Variants in CPLANE1 observed in about 807,000 individuals in gnomAD.
CPLANE1 encodes ciliogenesis and planar polarity effector 1.
In CPLANE1, 263 loss-of-function variants were observed where a neutral mutation model predicts 362.5. The observed-to-expected ratio is 0.73, with a 90% CI of 0.66 to 0.80. The LOEUF (loss-of-function observed/expected upper bound fraction) is 0.80. CPLANE1 is among the 30% of genes least tolerant of loss of function. The probability of loss-of-function intolerance (pLI) is 0.00; values close to 1 mark genes in which losing one functional copy is unlikely to be tolerated. For missense variants in CPLANE1, 3,461 were observed against 3,793.4 expected, an observed-to-expected ratio of 0.91 and a Z score of 2.30; for synonymous variants, 1,212 against 1,302.6, an observed-to-expected ratio of 0.93 and a Z score of 1.50.
chr5:37,184,866 G>A lies in CPLANE1; in HGVS notation c.4403C>T (p.Ser1468Phe). The change falls in exon 25 of 53, where the codon TCT (serine) becomes TTT (phenylalanine). Residue 1468 changes from serine (S) to phenylalanine (F), a missense_variant. Ser to Phe is a radical substitution (Grantham distance 155). Around this residue, in one of 2 missense-constraint regions of CPLANE1, gnomAD observed 3,380 missense variants for 3,666.1 expected, o/e 0.92. Transcript: ENST00000651892. Reference sequence around the variant, plus strand: ...CGTATCTGCATCACTGTGAACCACAGAATCTCCTAGTTCTGTGAGTGTACT... The same window carrying A: ...CGTATCTGCATCACTGTGAACCACAAAATCTCCTAGTTCTGTGAGTGTACT... ...SRSTLTELGD[S>F]VVHSDADTFS... The A allele has an allele frequency of 3.1e-6, 5 of 1,614,086 alleles. No homozygotes were observed. The highest frequency in any genetic ancestry group is 4.2e-6 in the Non-Finnish European group (5 of 1,179,976).
intron 41 of CPLANE1, 145 bp downstream of exon 41, chr5:37,157,168 T>C: frequency 3.0e-6 from 1 of 332,110 alleles, no homozygotes; most frequent in Non-Finnish European, 6.0e-6. Flanking sequence ...ATCATGTCTC[T>C]ATTTCATTTA....
In CPLANE1 at chr5:37,248,891, T is replaced by C. The variant is rs554129510; in HGVS notation, c.-48+354A>G. 1.1e-3 allele frequency among the ~76,000 whole-genome samples: 161 copies of C among 152,324 alleles called. 1 individual carries two copies. The highest frequency in any genetic ancestry group is 3.7e-3 in the African/African-American group (153 of 41,572). On this transcript the variant is annotated intron_variant, in intron 1 of 52. Coordinates refer to ENST00000651892, the MANE Select transcript of CPLANE1 (RefSeq NM_001384732.1). ...TTAAAATTGCTAAGAGCGAGGAAAATTGACGTTCTATTCCTCCGGATCCTG... is the reference window on the plus strand; with the variant it reads ...TTAAAATTGCTAAGAGCGAGGAAAACTGACGTTCTATTCCTCCGGATCCTG...
At chr5:37,240,005 T>C (rs1561708308) in intron 6 of CPLANE1, 136 bp from the exon 7 acceptor site, 2 of 548,990 alleles carry the variant, frequency 3.6e-6, no homozygotes, top group African/African-American at 1.9e-5. Context: ...TTAGAGACTA[T>C]GTTAATCCAT....
intron 41 of CPLANE1, among the ~76,000 whole-genome samples, chr5:37,155,576 T>G (rs2150665826): frequency 6.6e-6 from 1 of 152,328 alleles, no homozygotes. Flanking sequence ...GGTCTCACTA[T>G]GTTGCCAAGG....
chr5:37,169,975 A>G, intron 33 of CPLANE1, 66 bp downstream of exon 33: 1 of 1,508,466 alleles, frequency 6.6e-7, no homozygotes, highest in Non-Finnish European at 9.0e-7. Flanking sequence ...GTGGCCTGCC[A>G]AAGTGCTGGG....
intron 46 of CPLANE1, among the ~76,000 whole-genome samples, chr5:37,131,513 TAATTTTTTTTTAGTAAAAAAA>T (rs1306525704): frequency 2.6e-5 from 4 of 151,740 alleles, no homozygotes; most frequent in Non-Finnish European, 5.9e-5. Flanking sequence ...AAACTGTATT[TAATTTTTTTTTAGTAAAAAAA>T]AATTTTTTTT....
At chr5:37,099,571 T>G in the CPLANE1 span, among the ~76,000 whole-genome samples, 1 of 152,210 alleles carries the variant, frequency 6.6e-6, no homozygotes, top group Admixed American at 6.5e-5. Context: ...GATTCCAGTT[T>G]TTGTTATCGT....
chr5:37,246,415 A>G (rs937898315), intron 2 of CPLANE1: 1 of 152,134 alleles, frequency 6.6e-6, no homozygotes, highest in African/African-American at 2.4e-5. Context: ...TCCTGGGCTC[A>G]AGCGATCCTC....
rs1057210266 is a variant in CPLANE1, at chr5:37,209,205, G to A, written c.2921-2780C>T. Among the ~76,000 whole-genome samples, 2 of 152,374 alleles carry A rather than the reference G, an allele frequency of 1.3e-5. No individual in the cohort carries two copies. Among genetic ancestry groups the A allele is most frequent in the East Asian group, 1.9e-4 (1 of 5,190 alleles). ...AACCTAGTTGGGAGTGCAAGGCAGA[G>A]AGCGTTCAGCACCCTTGTTCCTCCC... On this transcript the variant is annotated intron_variant, in intron 16 of 52. Coordinates refer to ENST00000651892, the MANE Select transcript of CPLANE1 (RefSeq NM_001384732.1). This position sits in a 1 kb window ranked among gnomAD's most constrained non-coding sequence, Gnocchi z 4.6.
chr5:37,129,702 A>G (rs1414311346), intron 46 of CPLANE1, among the ~76,000 whole-genome samples: 1 of 152,196 alleles, frequency 6.6e-6, no homozygotes, highest in African/African-American at 2.4e-5. Context: ...ATGCAATGCC[A>G]TCTTCTGCAA....
chr5:37,185,140 G>A, intron 24 of CPLANE1, 61 bp from the exon 25 acceptor site: 1 of 1,482,518 alleles, frequency 6.7e-7, no homozygotes, highest in Non-Finnish European at 9.1e-7. Flanking sequence ...CAAGACATAG[G>A]AGACCCAACT....
At chr5:37,247,103 T>C (rs570935282) in intron 2 of CPLANE1, among the ~76,000 whole-genome samples, 2 of 152,286 alleles carry the variant, frequency 1.3e-5, no homozygotes, top group East Asian at 1.9e-4. Context: ...TCAATAATCA[T>C]CACAAATAAA....
chr5:37,215,804 A>C (rs1258852630), intron 15 of CPLANE1, among the ~76,000 whole-genome samples: 2 of 148,572 alleles, frequency 1.3e-5, no homozygotes, highest in Non-Finnish European at 3.0e-5. Flanking sequence ...AATAATCTAA[A>C]AAGCACTGAT....
chr5:37,225,852 CAAAAAA>C (rs70976285), intron 12 of CPLANE1, among the ~76,000 whole-genome samples: 2 of 57,778 alleles, frequency 3.5e-5, no homozygotes, highest in Non-Finnish European at 3.4e-5. Flanking sequence ...TACTCCATCT[CAAAAAA>C]AAAAAAAAAA....
At chr5:37,229,400 G>A (rs1334294357) in intron 9 of CPLANE1, among the ~76,000 whole-genome samples, 16 of 151,574 alleles carry the variant, frequency 1.1e-4, no homozygotes, top group African/African-American at 4.8e-5. Context: ...TTAGCTGGGC[G>A]TGGTGGCGGG....
the CPLANE1 span, chr5:37,085,655 G>A: frequency 3.8e-6 from 4 of 1,051,728 alleles, 1 homozygote; most frequent in South Asian, 2.5e-5. Context: ...CACCAACAGA[G>A]AGAGGCACCC....
At chr5:37,145,248 T>C (rs1194936723) in intron 43 of CPLANE1, among the ~76,000 whole-genome samples, 2 of 152,090 alleles carry the variant, frequency 1.3e-5, no homozygotes, top group African/African-American at 4.8e-5. Context: ...GTGGTTGCAG[T>C]GAGCTGAGAT....
At chr5:37,113,245 G>C (rs1473344440) in intron 51 of CPLANE1, among the ~76,000 whole-genome samples, 2 of 152,284 alleles carry the variant, frequency 1.3e-5, no homozygotes, top group South Asian at 2.1e-4. Flanking sequence ...TTGAATCATG[G>C]GGGCAGTTAC....
rs1385865026 is a variant in CPLANE1 at position 37,138,862 on chromosome 5, T to C, written c.8664-14A>G. The C allele has an allele frequency of 6.3e-7, 1 of 1,593,378 alleles. No homozygotes were observed. Among genetic ancestry groups the C allele is most frequent in the Admixed American group, 1.9e-5 (1 of 53,416 alleles). ...TGTACTGAAACACTTCATTTGCAAA[T>C]GTAATTTAAGAAATATAAATCAGTA... On this transcript the variant is annotated splice_polypyrimidine_tract_variant and intron_variant, in intron 45 of 52. Transcript: ENST00000651892.
Sources: allele counts gnomAD v4.1 joint callset (sites outside exome capture counted in the v4.1 genomes callset), GRCh38; gene constraint gnomAD v4.1.1; regional missense constraint gnomAD v4.1.1; non-coding constraint Gnocchi (gnomAD v3.1); transcripts MANE v1.5; gene names NCBI Gene and HGNC (gene_info 2026-07-23, HGNC 2026-07-21).